The following UNC13C variants were observed in gnomAD, a reference collection of about 807,000 sequenced individuals.
UNC13C encodes the protein unc-13 homolog C, also known as protein unc-13 homolog C.
In UNC13C, 174 loss-of-function variants were observed where a neutral mutation model predicts 245.4. The observed-to-expected ratio is 0.71, with a 90% CI of 0.63 to 0.80. The LOEUF (loss-of-function observed/expected upper bound fraction) is 0.80. UNC13C is among the 30% of genes least tolerant of loss of function. The probability of loss-of-function intolerance (pLI) is 0.00; values close to 1 mark genes in which losing one functional copy is unlikely to be tolerated. For missense variants in UNC13C, 2,829 were observed against 2,602.9 expected (o/e 1.09, Z -1.89); for synonymous variants, 992 against 895.1 (o/e 1.11, Z -1.93).
chr15:54,434,653 C>G (rs573876037), intron 19 of UNC13C, among the ~76,000 whole-genome samples: 2 of 152,134 alleles, frequency 1.3e-5, no homozygotes, highest in South Asian at 2.1e-4. Context: ...GTAGGCAATA[C>G]CATTCAAGAC....
At chr15:54,206,582 C>A (rs1167620802) in intron 4 of UNC13C, among the ~76,000 whole-genome samples, 5 of 152,156 alleles carry the variant, frequency 3.3e-5, no homozygotes, top group African/African-American at 1.2e-4. Flanking sequence ...CTTCCTTAGA[C>A]AAAACAGATC....
At chr15:54,441,667 A>C (rs543204459) in intron 19 of UNC13C, among the ~76,000 whole-genome samples, 1 of 151,348 alleles carries the variant, frequency 6.6e-6, no homozygotes, top group African/African-American at 2.4e-5. Flanking sequence ...TTCTTGGGCT[A>C]TTTGGTGTCT....
intron 4 of UNC13C, among the ~76,000 whole-genome samples, chr15:54,206,363 G>C (rs537802080): frequency 6.6e-6 from 1 of 151,984 alleles, no homozygotes; most frequent in Non-Finnish European, 1.5e-5. Flanking sequence ...TAACAGAAAA[G>C]GTTTGGAGAT....
At chr15:54,575,197 A>T (rs1204810715) in intron 30 of UNC13C, among the ~76,000 whole-genome samples, 1 of 152,066 alleles carries the variant, frequency 6.6e-6, no homozygotes, top group Non-Finnish European at 1.5e-5. Flanking sequence ...CACCACACCC[A>T]GCTAATTTTT....
chr15:54,194,605 A>G (rs1440001645), intron 4 of UNC13C, among the ~76,000 whole-genome samples: 1 of 152,128 alleles, frequency 6.6e-6, no homozygotes, highest in African/African-American at 2.4e-5. Context: ...CGTTGCTTCA[A>G]AGCTACTTTA....
In UNC13C at chr15:54,013,272, C is replaced by A; in HGVS notation, c.369C>A (p.Ile123=). Residue 123 remains isoleucine (I), a synonymous_variant, in exon 2 of 33, where the codon ATC becomes ATA. Transcript: ENST00000260323. Reference sequence around the variant, plus strand: ...ATCTGCTTCAAGAGCTCTCTTCAATCGAGAGTTCCTACTCAGAATCATTAA... The same window carrying A: ...ATCTGCTTCAAGAGCTCTCTTCAATAGAGAGTTCCTACTCAGAATCATTAA... ...NEDLLQELSS[I]ESSYSESLNE... 6.2e-7 allele frequency: 1 copy of A among 1,613,634 alleles called. No individual in the cohort carries two copies. The highest frequency in any genetic ancestry group is 8.5e-7 in the Non-Finnish European group (1 of 1,179,766).
chr15:54,435,595 C>G (rs1023677551), intron 19 of UNC13C, among the ~76,000 whole-genome samples: 1 of 143,536 alleles, frequency 7.0e-6, no homozygotes, highest in South Asian at 2.3e-4. Flanking sequence ...GGGTGGGGGA[C>G]TAGGGGAGGG....
chr15:53,957,478 A>G, the UNC13C span, among the ~76,000 whole-genome samples: 1 of 152,154 alleles, frequency 6.6e-6, no homozygotes, highest in Non-Finnish European at 1.5e-5. Context: ...CAGTGGTTCC[A>G]TTTCTTTTGG....
chr15:54,233,959 A>T (rs1043090922), intron 4 of UNC13C, among the ~76,000 whole-genome samples: 1 of 152,182 alleles, frequency 6.6e-6, no homozygotes, highest in African/African-American at 2.4e-5. Flanking sequence ...GGTTATATTA[A>T]ATGACTGGAT....
chr15:54,338,622 T>C, intron 17 of UNC13C, 133 bp downstream of exon 17: 1 of 972,766 alleles, frequency 1.0e-6, no homozygotes, highest in South Asian at 2.0e-5. Flanking sequence ...AGAATTTCCA[T>C]ACCTTTTCTT....
intron 2 of UNC13C, among the ~76,000 whole-genome samples, chr15:54,066,751 C>T (rs1898094078): frequency 6.6e-6 from 1 of 151,934 alleles, no homozygotes; most frequent in Non-Finnish European, 1.5e-5. Context: ...CCAGTGGCTA[C>T]AGTATTTGGG....
chr15:54,443,902 A>G (rs1203902305), intron 19 of UNC13C, among the ~76,000 whole-genome samples: 1 of 151,948 alleles, frequency 6.6e-6, no homozygotes, highest in Non-Finnish European at 1.5e-5. Flanking sequence ...AGTGTTCTGT[A>G]AAGGTATATT....
intron 30 of UNC13C, among the ~76,000 whole-genome samples, chr15:54,569,864 T>C (rs1278860259): frequency 6.6e-6 from 1 of 152,076 alleles, no homozygotes; most frequent in East Asian, 1.9e-4. Context: ...ATTTTCTCCG[T>C]TAGCTACCTG....
At chr15:53,885,763 A>G in the UNC13C span, among the ~76,000 whole-genome samples, 1 of 152,226 alleles carries the variant, frequency 6.6e-6, no homozygotes, top group Non-Finnish European at 1.5e-5. Flanking sequence ...TGTACCATAA[A>G]TGTGTGAAAC....
At chr15:53,861,718 C>T in the UNC13C span, among the ~76,000 whole-genome samples, 92 of 152,280 alleles carry the variant, frequency 6.0e-4, no homozygotes, top group Non-Finnish European at 9.6e-4. Context: ...CAGCACATTG[C>T]TCAGTGGGCA....
chr15:54,297,077 C>T (rs1024925784), intron 11 of UNC13C, among the ~76,000 whole-genome samples: 2 of 152,152 alleles, frequency 1.3e-5, no homozygotes, highest in Non-Finnish European at 1.5e-5. Flanking sequence ...TAAACCAGAA[C>T]TTTGGCTCAT....
At chr15:54,003,290 C>T (rs981996711) in intron 1 of UNC13C, among the ~76,000 whole-genome samples, 2 of 152,190 alleles carry the variant, frequency 1.3e-5, no homozygotes, top group Admixed American at 6.5e-5. Flanking sequence ...TGTTAGAATT[C>T]TAAGTTGCTT....
At chr15:54,109,477 G>T (rs1299446662) in intron 2 of UNC13C, among the ~76,000 whole-genome samples, 3 of 150,818 alleles carry the variant, frequency 2.0e-5, no homozygotes, top group Admixed American at 6.6e-5. Context: ...AAGTAGCTGA[G>T]ATTACAGGCA....
At chr15:54,163,142 A>G (rs1439821492) in intron 4 of UNC13C, among the ~76,000 whole-genome samples, 1 of 152,168 alleles carries the variant, frequency 6.6e-6, no homozygotes, top group Non-Finnish European at 1.5e-5. Context: ...GAGATAGATT[A>G]CCCTGGATTA....
Sources: allele counts gnomAD v4.1 joint callset (sites outside exome capture counted in the v4.1 genomes callset), GRCh38; gene constraint gnomAD v4.1.1; transcripts MANE v1.5; gene names NCBI Gene and HGNC (gene_info 2026-07-23, HGNC 2026-07-21).